ADK: variants seen among roughly 807,000 people sequenced by gnomAD.
ADK encodes adenosine kinase, also known as N6,N6-dimethyladenosine kinase.
In ADK, 24 loss-of-function variants were observed where a neutral mutation model predicts 44.7. The observed-to-expected ratio is 0.54, with a 90% confidence interval of 0.39 to 0.76. The LOEUF is 0.76. Among genes scored for constraint, ADK ranks in the 30% least tolerant of loss-of-function variants. ADK has a pLI of 0.00. For synonymous variants in ADK, 128 were observed against 142.6 expected (o/e 0.90, Z 0.73); for missense variants, 321 against 425.1 (o/e 0.76, Z 2.15).
At chr10:74,611,258 T>G (rs1206153126) in intron 9 of ADK, among the ~76,000 whole-genome samples, 1 of 152,124 alleles carries the variant, frequency 6.6e-6, no homozygotes, top group Non-Finnish European at 1.5e-5. Context: ...CTCAAACTCC[T>G]GAGCTCAAGT....
chr10:74,635,374 T>C (rs1292182345), intron 9 of ADK, among the ~76,000 whole-genome samples: 3 of 152,190 alleles, frequency 2.0e-5, no homozygotes, highest in Admixed American at 6.5e-5. Flanking sequence ...TCCAGCAATA[T>C]TTTCCTTCAG....
Position 74,670,101 on chromosome 10 carries a change from G to A in ADK, c.878-82G>A, listed in dbSNP as rs958996702. On this transcript the variant is annotated intron_variant, in intron 9 of 10. Coordinates refer to ENST00000539909, the MANE Select transcript of ADK (RefSeq NM_006721.4). ...CTCTCTTTGAATGATGAGTGATGAA[G>A]GAGCTTCAGATGTTACTGGGTGAGC... 10 of 1,047,732 alleles carry A rather than the reference G, an allele frequency of 9.5e-6. No individual in the cohort carries two copies. In the East Asian group the frequency reaches 2.4e-4, roughly 26 times the overall value. 64.9% of individuals were successfully genotyped at this position (1,047,732 alleles called of 1,614,324 possible).
intron 6 of ADK, among the ~76,000 whole-genome samples, chr10:74,410,390 T>C (rs1844127761): frequency 6.6e-6 from 1 of 152,152 alleles, no homozygotes; most frequent in Admixed American, 6.6e-5. Flanking sequence ...AAGTATTATT[T>C]AGGCCAGGCA....
At chr10:74,547,096 G>A (rs374676019) in intron 7 of ADK, among the ~76,000 whole-genome samples, 1 of 151,864 alleles carries the variant, frequency 6.6e-6, no homozygotes, top group Non-Finnish European at 1.5e-5. Context: ...TACAATCTAG[G>A]AAAGAATTAT....
Position 74,708,321 on chromosome 10 carries a change from GTTTTCTGTCTCAA to G in ADK, c.966_978del (p.Phe323TrpfsTer7). The G allele has an allele frequency of 1.2e-6, 2 of 1,610,482 alleles. No homozygotes were observed. The highest frequency in any genetic ancestry group is 1.7e-6 in the Non-Finnish European group (2 of 1,179,106). On this transcript the variant is annotated frameshift_variant and splice_region_variant, in exon 11 of 11. Transcript: ENST00000539909. LOFTEE classifies it high-confidence loss of function. The stretch of plus-strand genomic sequence containing the variant: ...GTGTTTTTTTTTGCCTGTGTTCTAG[GTTTTCTGTCTCAA>G]CTGGTCTCTGACAAGCCTCTGACTG...
chr10:74,626,303 T>A (rs919996689), intron 9 of ADK, among the ~76,000 whole-genome samples: 12 of 127,732 alleles, frequency 9.4e-5, no homozygotes, highest in African/African-American at 1.1e-4. Context: ...AGAGTCTAAA[T>A]TTTTTTTTTT....
chr10:74,312,893 GA>G (rs1218269891), intron 3 of ADK, among the ~76,000 whole-genome samples: 1 of 66,394 alleles, frequency 1.5e-5, no homozygotes, highest in Non-Finnish European at 2.6e-5. Flanking sequence ...CAGCCTGGAT[GA>G]AAAAGGAAGA....
At chr10:74,176,919 A>T (rs749191250) in intron 1 of ADK, 1 of 1,609,130 alleles carries the variant, frequency 6.2e-7, no homozygotes, top group Admixed American at 1.7e-5. Flanking sequence ...GACTGCTCCG[A>T]GCTGGGCGTT....
chr10:74,643,707 T>C (rs370714985), intron 9 of ADK, among the ~76,000 whole-genome samples: 1 of 152,348 alleles, frequency 6.6e-6, no homozygotes, highest in African/African-American at 2.4e-5. Flanking sequence ...GCAAAATTGC[T>C]TATAGAAATA....
chr10:74,361,200 G>A (rs544095127), intron 4 of ADK, among the ~76,000 whole-genome samples: 4 of 152,282 alleles, frequency 2.6e-5, no homozygotes, highest in South Asian at 2.1e-4. Context: ...CACTGCGCCC[G>A]GCCTATCCTG....
chr10:74,375,282 G>A (rs1842783221), intron 4 of ADK, among the ~76,000 whole-genome samples: 1 of 151,560 alleles, frequency 6.6e-6, no homozygotes, highest in East Asian at 1.9e-4. Flanking sequence ...ATTGCCTTTT[G>A]CTTTTTTTAA....
At chr10:74,673,395 G>C (rs974629698) in intron 10 of ADK, among the ~76,000 whole-genome samples, 1 of 152,176 alleles carries the variant, frequency 6.6e-6, no homozygotes, top group Non-Finnish European at 1.5e-5. Context: ...GCAGTGTGTG[G>C]GCGCAGGAAC....
chr10:74,513,597 TC>T (rs1292160869), intron 6 of ADK, among the ~76,000 whole-genome samples: 1 of 152,180 alleles, frequency 6.6e-6, no homozygotes, highest in Non-Finnish European at 1.5e-5. Context: ...ATTTTTTCCA[TC>T]CACTTCCAGT....
At chr10:74,512,212 A>G (rs1198744393) in intron 6 of ADK, among the ~76,000 whole-genome samples, 3 of 151,942 alleles carry the variant, frequency 2.0e-5, no homozygotes, top group Middle Eastern at 6.8e-3. Flanking sequence ...TTTGTTGTGG[A>G]CTTTTGCATG....
intron 4 of ADK, among the ~76,000 whole-genome samples, chr10:74,325,744 T>C (rs192323962): frequency 2.0e-4 from 30 of 152,366 alleles, no homozygotes; most frequent in African/African-American, 7.2e-4. Flanking sequence ...TATGGTTTTT[T>C]CCTGCATTTA....
chr10:74,303,590 T>TG (rs1363193635), intron 3 of ADK, among the ~76,000 whole-genome samples: 7 of 105,078 alleles, frequency 6.7e-5, no homozygotes, highest in African/African-American at 1.5e-4. Context: ...TTAATGTTGT[T>TG]TTTTTTTTTT....
chr10:74,203,912 C>T (rs558609191), intron 2 of ADK, among the ~76,000 whole-genome samples: 6 of 149,726 alleles, frequency 4.0e-5, no homozygotes, highest in South Asian at 2.1e-4. Context: ...TTAAGTCTTC[C>T]GAGTTATGAA....
chr10:74,534,914 G>A (rs867050258), intron 7 of ADK, among the ~76,000 whole-genome samples: 1 of 152,108 alleles, frequency 6.6e-6, no homozygotes, highest in Non-Finnish European at 1.5e-5. Flanking sequence ...CCTAAACTTG[G>A]TGAAATTTGT....
At chr10:74,276,150 C>T (rs761489513) in intron 3 of ADK, among the ~76,000 whole-genome samples, 1 of 152,146 alleles carries the variant, frequency 6.6e-6, no homozygotes, top group Non-Finnish European at 1.5e-5. Context: ...GCGCTCAGCT[C>T]TTCTCGTAAA....
Sources: gnomAD v4.1 joint callset for allele counts (sites outside exome capture counted in the v4.1 genomes callset) on GRCh38, gnomAD v4.1.1 for gene constraint, MANE v1.5 for transcripts, NCBI Gene and HGNC (gene_info 2026-07-23, HGNC 2026-07-21) for gene names.